Variants in KCNH8 observed in about 807,000 individuals in gnomAD.
The protein encoded by KCNH8 is voltage-gated delayed rectifier potassium channel KCNH8.
KCNH8 carries 70 observed loss-of-function variants against 103.6 expected under a neutral mutation model. That is an observed-to-expected ratio of 0.68 (90% CI 0.56 to 0.82). The LOEUF is 0.82. Among genes scored for constraint, KCNH8 ranks in the 40% least tolerant of loss-of-function variants. KCNH8 has a pLI of 0.00. For missense variants in KCNH8, 1,217 were observed against 1,329.9 expected, an observed-to-expected ratio of 0.92 and a Z score of 1.32; for synonymous variants, 498 against 489.4, an observed-to-expected ratio of 1.02 and a Z score of -0.23.
rs56047240 is a variant in KCNH8, at chr3:19,196,460, G to GAA, written c.76+47675_76+47676dup. Among the ~76,000 whole-genome samples the GAA allele has an allele frequency of 4.9e-5, 7 of 143,878 alleles. No individual in the cohort carries two copies. The East Asian group carries it at 1.2e-3, about 25-fold the overall frequency. The allele number at this position is 143,878 out of a possible 152,430, so 94.4% of individuals were successfully genotyped here. A position where few individuals can be genotyped will look rare whatever the true frequency, so the allele number is the denominator to read the frequency against. On this transcript the variant is annotated intron_variant, in intron 1 of 15. Transcript: ENST00000328405. ...CTTTTACTCAGTGAAAGACTGAAAT[G>GAA]AAAAAAAAAAAGATCTTGGCTTCAT...
At chr3:19,198,237 G>T (rs1159091401) in intron 1 of KCNH8, among the ~76,000 whole-genome samples, 1 of 152,124 alleles carries the variant, frequency 6.6e-6, no homozygotes, top group Non-Finnish European at 1.5e-5. Flanking sequence ...GCAGTCCATT[G>T]CTGAACTTTA....
intron 1 of KCNH8, among the ~76,000 whole-genome samples, chr3:19,210,207 A>G (rs2063756562): frequency 6.6e-6 from 1 of 152,140 alleles, no homozygotes; most frequent in African/African-American, 2.4e-5. Context: ...GAGATTTGCC[A>G]TCACATTTTA....
rs2067430709 is a variant in KCNH8, at chr3:19,450,477, G to A, written c.1575+172G>A. On this transcript the variant is annotated intron_variant, in intron 9 of 15. Coordinates refer to ENST00000328405, the MANE Select transcript of KCNH8 (RefSeq NM_144633.3). ...TCTTCTTTCACTTGCTTTGGCTTGT[G>A]TTTTCACAATGCCAATTTGGATTGA... is the stretch of plus-strand genomic sequence containing the variant. 1.3e-5 allele frequency: 8 copies of A among 622,628 alleles called. No homozygotes were observed. The East Asian group carries it at 2.2e-4, about 17-fold the overall frequency. The allele number at this position is 622,628 out of a possible 1,614,324, so 38.6% of individuals were successfully genotyped here. A position where few individuals can be genotyped will look rare whatever the true frequency, so the allele number is the denominator to read the frequency against.
At chr3:19,434,812 T>C (rs1227372895) in intron 7 of KCNH8, among the ~76,000 whole-genome samples, 1 of 152,192 alleles carries the variant, frequency 6.6e-6, no homozygotes, top group East Asian at 1.9e-4. Context: ...TGTGTTTGGA[T>C]AATTCTATTT....
chr3:19,461,932 G>A (rs553063612), intron 11 of KCNH8, among the ~76,000 whole-genome samples: 5 of 152,158 alleles, frequency 3.3e-5, no homozygotes, highest in African/African-American at 1.2e-4. Flanking sequence ...CAGAATGATG[G>A]TTTCCAGCTT....
intron 5 of KCNH8, among the ~76,000 whole-genome samples, chr3:19,376,503 C>T (rs905280630): frequency 2.0e-5 from 3 of 152,160 alleles, no homozygotes; most frequent in Non-Finnish European, 4.4e-5. Flanking sequence ...CTGTCTGGCA[C>T]TCCCAAGTGA....
intron 5 of KCNH8, among the ~76,000 whole-genome samples, chr3:19,360,922 A>T (rs1442505169): frequency 5.3e-5 from 8 of 152,100 alleles, no homozygotes; most frequent in Admixed American, 5.2e-4. Context: ...ATAGAATAAG[A>T]ACTAGTATTA....
intron 4 of KCNH8, among the ~76,000 whole-genome samples, chr3:19,343,181 T>A (rs1559484371): frequency 6.6e-6 from 1 of 152,084 alleles, no homozygotes; most frequent in Non-Finnish European, 1.5e-5. Flanking sequence ...AAAACTTACA[T>A]TTTATATAAA....
intron 1 of KCNH8, among the ~76,000 whole-genome samples, chr3:19,252,950 A>G (rs747372445): frequency 2.6e-5 from 4 of 152,126 alleles, no homozygotes; most frequent in Admixed American, 6.5e-5. Flanking sequence ...CACTTAGCTT[A>G]AGTGGGTAGG....
At chr3:19,285,870 A>G (rs548177594) in intron 3 of KCNH8, among the ~76,000 whole-genome samples, 34 of 152,274 alleles carry the variant, frequency 2.2e-4, no homozygotes, top group African/African-American at 7.2e-4. Context: ...GACAGAAATA[A>G]TAAATTCTTC....
intron 3 of KCNH8, among the ~76,000 whole-genome samples, chr3:19,299,958 G>T (rs2065044514): frequency 6.6e-6 from 1 of 151,968 alleles, no homozygotes; most frequent in South Asian, 2.1e-4. Flanking sequence ...ATATATAAAA[G>T]AAAATATGGG....
chr3:19,262,007 A>G (rs1157813961), intron 2 of KCNH8, among the ~76,000 whole-genome samples: 1 of 151,746 alleles, frequency 6.6e-6, no homozygotes, highest in Admixed American at 6.6e-5. Context: ...TTTTATTACT[A>G]TAGCTTTATA....
rs2065943471 is a variant in KCNH8, at chr3:19,361,262, C to T, written c.811+13297C>T. On this transcript the variant is annotated intron_variant, in intron 5 of 15. Transcript: ENST00000328405. ...TTTCAATAGAATCATGGATTTTTTT[C>T]TCTCATGTATTTCTTCATTATTTAA... 1.3e-5 allele frequency among the ~76,000 whole-genome samples: 2 copies of T among 151,864 alleles called. 1 individual carries two copies. The highest frequency in any genetic ancestry group is 4.1e-4 in the South Asian group (2 of 4,820).
chr3:19,329,294 C>G (rs943548256), intron 3 of KCNH8, among the ~76,000 whole-genome samples: 3 of 152,162 alleles, frequency 2.0e-5, no homozygotes, highest in Non-Finnish European at 4.4e-5. Context: ...ATATATCTTT[C>G]TATAAACCTC....
intron 12 of KCNH8, among the ~76,000 whole-genome samples, chr3:19,511,953 CA>C (rs1455813459): frequency 6.6e-6 from 1 of 151,426 alleles, no homozygotes; most frequent in Non-Finnish European, 1.5e-5. Context: ...CCATATACAC[CA>C]AAAAAAACAA....
intron 1 of KCNH8, among the ~76,000 whole-genome samples, chr3:19,170,810 A>ATTTTTTTTT (rs1163528137): frequency 1.1e-4 from 8 of 75,334 alleles, no homozygotes; most frequent in African/African-American, 4.1e-4. Context: ...ATATATATAT[A>ATTTTTTTTT]TTTTTTTTTT....
At chr3:19,276,244 C>A (rs1575488743) in intron 2 of KCNH8, among the ~76,000 whole-genome samples, 2 of 150,578 alleles carry the variant, frequency 1.3e-5, no homozygotes, top group East Asian at 2.0e-4. Context: ...GGACTAATTT[C>A]TAAAAACTGG....
At chr3:19,350,876 G>A (rs989385067) in intron 5 of KCNH8, among the ~76,000 whole-genome samples, 1 of 152,130 alleles carries the variant, frequency 6.6e-6, no homozygotes, top group Non-Finnish European at 1.5e-5. Flanking sequence ...GCTGGATGGA[G>A]AATGACTTTG....
At chr3:19,221,089 G>A (rs1205767959) in intron 1 of KCNH8, among the ~76,000 whole-genome samples, 1 of 152,142 alleles carries the variant, frequency 6.6e-6, no homozygotes, top group African/African-American at 2.4e-5. Flanking sequence ...ATGGCTGCAG[G>A]CAATTTTGAG....
Sources: allele counts gnomAD v4.1 joint callset (sites outside exome capture counted in the v4.1 genomes callset), GRCh38; gene constraint gnomAD v4.1.1; transcripts MANE v1.5; gene names NCBI Gene and HGNC (gene_info 2026-07-23, HGNC 2026-07-21).